PCDH19: variants seen among roughly 807,000 people sequenced by gnomAD.
PCDH19 encodes protocadherin-19.
PCDH19 carries 6 observed loss-of-function variants against 46.2 expected under a neutral mutation model. The ratio of observed to expected loss-of-function variants is 0.13; its 90% CI spans 0.07 to 0.26. The LOEUF (loss-of-function observed/expected upper bound fraction) is 0.26, where lower values mean the gene tolerates loss of function less well. PCDH19 is among the 10% of genes least tolerant of loss of function. The pLI is 1.00. For missense variants in PCDH19, 740 were observed against 972.3 expected, an observed-to-expected ratio of 0.76 and a Z score of 3.18; for synonymous variants, 481 against 415.7, an observed-to-expected ratio of 1.16 and a Z score of -1.91.
At chrX:100,371,882 ACC>A (rs1491479618) in intron 3 of PCDH19, among the ~76,000 whole-genome samples, 113 of 97,733 alleles carry the variant, frequency 1.2e-3, no homozygotes, top group Admixed American at 3.7e-3. Context: ...ACACACACAC[ACC>A]CACACAAAAC....
At position 100,379,347 on chromosome X, in the gene PCDH19, A is replaced by ACACACACACACACACACAC. The variant is rs66715683; in HGVS notation, c.2616+23176_2616+23177insGTGTGTGTGTGTGTGTGTG. Among the ~76,000 whole-genome samples, 20 of 65,259 alleles carry ACACACACACACACACACAC rather than the reference A, an allele frequency of 3.1e-4. No individual in the cohort carries two copies. In the East Asian group the frequency reaches 7.2e-3, roughly 23 times the overall value. 56.7% of individuals were successfully genotyped at this position (65,259 alleles called of 115,157 possible). On this transcript the variant is annotated intron_variant, in intron 3 of 5. Transcript: ENST00000373034. ...CACACACACACACACACACACACAC[A>ACACACACACACACACACAC]CATTTCCTCCCAGCTCTCAGGAACA...
At chrX:100,371,193 C>T (rs1316408534) in intron 3 of PCDH19, among the ~76,000 whole-genome samples, 6 of 111,595 alleles carry the variant, frequency 5.4e-5, no homozygotes, top group African/African-American at 1.3e-4. Context: ...ATCATGTCAT[C>T]GTGGTCCTTC....
intron 5 of PCDH19, among the ~76,000 whole-genome samples, chrX:100,338,029 C>T (rs1246116114): frequency 1.8e-5 from 2 of 111,571 alleles, no homozygotes; most frequent in Non-Finnish European, 3.8e-5. Context: ...AAATACCTGA[C>T]TTTTGCCCTT....
intron 4 of PCDH19, among the ~76,000 whole-genome samples, chrX:100,347,535 C>T (rs1427776112): frequency 9.0e-6 from 1 of 111,599 alleles, no homozygotes; most frequent in Non-Finnish European, 1.9e-5. Context: ...CCAATTTAGG[C>T]GTGCCAACTA....
In PCDH19 at chrX:100,402,651, C is replaced by T. The variant is rs1306719338; in HGVS notation, c.2489G>A (p.Ser830Asn). ...TLPLGCRRSE[S>N]TFLNVENQNT... ...CTGGTTCTCCACATTCAGGAAAGTG[C>T]TCTCAGAGCGGCGGCAGCCCAGGGG... Residue 830 changes from serine (S) to asparagine (N), a missense_variant, in exon 3 of 6, where the codon AGC becomes AAC. Ser to Asn is a conservative substitution (Grantham distance 46). This residue lies in a region of PCDH19 where 416 missense variants were observed against 476.8 expected (regional missense o/e 0.87). Coordinates refer to ENST00000373034, the MANE Select transcript of PCDH19 (RefSeq NM_001184880.2). The T allele has an allele frequency of 2.5e-6, 3 of 1,209,924 alleles. No homozygotes were observed. Among genetic ancestry groups the T allele is most frequent in the Non-Finnish European group, 3.4e-6 (3 of 894,966 alleles).
chrX:100,405,902 T>C (rs1439345685), intron 1 of PCDH19, among the ~76,000 whole-genome samples: 3 of 110,804 alleles, frequency 2.7e-5, no homozygotes, highest in African/African-American at 9.9e-5. Context: ...AAACCACTAA[T>C]CACCTGCATC....
rs1161456144 is a variant in PCDH19 at position 100,292,156 on chromosome X, T to C, written c.*4121A>G. On this transcript the variant is annotated 3_prime_UTR_variant, in exon 6 of 6. Transcript: ENST00000373034. ...TCTGGCTCTTGGTCATTAAAGTCTG[T>C]ATCCTAGCCTTCCTCAGCTGAACGC... 2 of 113,375 alleles carry C rather than the reference T, an allele frequency of 1.8e-5. No homozygotes were observed. The highest frequency in any genetic ancestry group is 6.4e-5 in the African/African-American group (2 of 31,146). The allele number at this position is 113,375 out of a possible 1,213,427, so 9.3% of individuals were successfully genotyped here. A position where few individuals can be genotyped will look rare whatever the true frequency, so the allele number is the denominator to read the frequency against.
intron 3 of PCDH19, among the ~76,000 whole-genome samples, chrX:100,379,085 T>G (rs752431977): frequency 9.0e-6 from 1 of 110,704 alleles, no homozygotes; most frequent in East Asian, 2.9e-4. Context: ...AAGGGGAAAA[T>G]TCAATGAAGA....
chrX:100,373,337 T>C (rs1272301213), intron 3 of PCDH19, among the ~76,000 whole-genome samples: 3 of 112,751 alleles, frequency 2.7e-5, no homozygotes, highest in Non-Finnish European at 5.6e-5. Flanking sequence ...TGGAGAGAAA[T>C]TGATTTGCTG....
intron 3 of PCDH19, among the ~76,000 whole-genome samples, chrX:100,384,524 T>A (rs1927653188): frequency 9.0e-6 from 1 of 111,222 alleles, no homozygotes; most frequent in South Asian, 3.8e-4. Flanking sequence ...AAGATATATA[T>A]TCTCTTTTTC....
intron 5 of PCDH19, among the ~76,000 whole-genome samples, chrX:100,336,643 T>G (rs1301357443): frequency 2.7e-5 from 3 of 112,329 alleles, no homozygotes; most frequent in Non-Finnish European, 5.6e-5. Context: ...CATTTGGATA[T>G]GAAAAGCAGC....
intron 5 of PCDH19, among the ~76,000 whole-genome samples, chrX:100,303,322 A>AAAGG (rs764462656): frequency 3.1e-4 from 34 of 110,503 alleles, no homozygotes; most frequent in African/African-American, 4.0e-4. Flanking sequence ...AGGAAGGAAA[A>AAAGG]AAGGAAGGAA....
chrX:100,327,909 C>T (rs1925746623), intron 5 of PCDH19, among the ~76,000 whole-genome samples: 1 of 111,674 alleles, frequency 9.0e-6, no homozygotes, highest in Admixed American at 9.5e-5. Context: ...GGACTTTGAA[C>T]ATTCCATATT....
rs1435477345 is a variant in PCDH19, at chrX:100,407,884, A to G, written c.714T>C (p.Phe238=). 4 of 1,212,059 alleles carry G rather than the reference A, an allele frequency of 3.3e-6. No homozygotes were observed. Among genetic ancestry groups the G allele is most frequent in the East Asian group, 3.0e-5 (1 of 33,837 alleles). ...CGCTCACCGCGTAGGTGGACTCGCTAAACACCGGGTTGTTGTCATTGGAGT... is the reference window on the plus strand; with the variant it reads ...CGCTCACCGCGTAGGTGGACTCGCTGAACACCGGGTTGTTGTCATTGGAGT... ...VTDSNDNNPV[F]SESTYAVSVP... Residue 238 remains phenylalanine (F), a synonymous_variant, in exon 1 of 6, where the codon TTT becomes TTC. Transcript: ENST00000373034.
chrX:100,342,514 A>G (rs1926281484), intron 4 of PCDH19, among the ~76,000 whole-genome samples: 1 of 112,227 alleles, frequency 8.9e-6, no homozygotes, highest in Non-Finnish European at 1.9e-5. Flanking sequence ...CTGTAAGAGA[A>G]AGGTGCTACT....
At chrX:100,347,073 A>G (rs1159486337) in intron 4 of PCDH19, among the ~76,000 whole-genome samples, 2 of 103,282 alleles carry the variant, frequency 1.9e-5, no homozygotes, top group Non-Finnish European at 4.0e-5. Flanking sequence ...GACAGTCTGG[A>G]AAAAAAAAAA....
intron 3 of PCDH19, among the ~76,000 whole-genome samples, chrX:100,363,402 A>G (rs771314156): frequency 4.6e-5 from 5 of 108,682 alleles, no homozygotes; most frequent in Non-Finnish European, 9.5e-5. Context: ...CAAAACTGTG[A>G]ATCACCAGAC....
chrX:100,302,020 A>G (rs762919985), intron 5 of PCDH19, among the ~76,000 whole-genome samples: 30 of 111,562 alleles, frequency 2.7e-4, no homozygotes, highest in Non-Finnish European at 5.1e-4. Flanking sequence ...TAGGTAAGAG[A>G]CTATTTTGTC....
chrX:100,396,273 A>C (rs1928022929), intron 3 of PCDH19, among the ~76,000 whole-genome samples: 1 of 111,978 alleles, frequency 8.9e-6, no homozygotes, highest in Non-Finnish European at 1.9e-5. Flanking sequence ...ATTCCTAACA[A>C]GCAATCCCCT....
Sources: gnomAD v4.1 joint callset for allele counts (sites outside exome capture counted in the v4.1 genomes callset) on GRCh38, gnomAD v4.1.1 for gene constraint, gnomAD v4.1.1 regional missense constraint, MANE v1.5 for transcripts, NCBI Gene and HGNC (gene_info 2026-07-23, HGNC 2026-07-21) for gene names.